GOLGA3: variants seen among roughly 807,000 people sequenced by gnomAD.
The protein encoded by GOLGA3 is golgin subfamily A member 3.
In GOLGA3, 75 loss-of-function variants were observed where a neutral mutation model predicts 169.4. That is an observed-to-expected ratio of 0.44 (90% confidence interval 0.37 to 0.54). GOLGA3 has a LOEUF of 0.54. Among genes scored for constraint, GOLGA3 ranks in the 20% least tolerant of loss-of-function variants. The pLI is 0.00. For missense variants in GOLGA3, 1,899 were observed against 1,930.0 expected (o/e 0.98, Z 0.30); for synonymous variants, 824 against 822.4 (o/e 1.00, Z -0.03).
intron 11 of GOLGA3, among the ~76,000 whole-genome samples, chr12:132,795,214 G>A (rs151226566): frequency 7.9e-5 from 12 of 151,664 alleles, no homozygotes; most frequent in Non-Finnish European, 1.0e-4. Flanking sequence ...AAAAGGGGTC[G>A]GGCGCGGTGG....
rs141619318 is a variant in GOLGA3 at position 132,801,820 on chromosome 12, C to T, written c.1747G>A (p.Ala583Thr). The T allele has an allele frequency of 1.6e-5, 26 of 1,610,348 alleles. No homozygotes were observed. Among genetic ancestry groups the T allele is most frequent in the Admixed American group, 1.5e-4 (9 of 60,022 alleles). ...SVRQWYQQQLALAQEARVRLQ... is the reference protein window; with the variant it reads ...SVRQWYQQQLTLAQEARVRLQ... The stretch of plus-strand genomic sequence containing the variant: ...CTGACGCGGGCCTCCTGTGCCAGGG[C>T]GAGCTGCTGCTGGTACCACTGCCGG... The change falls in exon 8 of 24, where the codon GCC becomes ACC. Residue 583 changes from alanine to threonine, a missense_variant. Ala to Thr is a moderately conservative substitution (Grantham distance 58, BLOSUM62 0). Coordinates refer to ENST00000450791, the MANE Select transcript of GOLGA3 (RefSeq NM_001389683.1).
intron 16 of GOLGA3, among the ~76,000 whole-genome samples, chr12:132,783,605 G>C (rs1437844228): frequency 9.8e-6 from 1 of 101,750 alleles, no homozygotes; most frequent in African/African-American, 3.3e-5. Context: ...TTGAGACGGA[G>C]TCTCACTCTG....
intron 1 of GOLGA3, among the ~76,000 whole-genome samples, chr12:132,827,262 C>T (rs1035628685): frequency 1.3e-5 from 2 of 152,170 alleles, no homozygotes; most frequent in East Asian, 1.9e-4. Context: ...CACTAGTATC[C>T]AAAAGTAAAC....
intron 2 of GOLGA3, among the ~76,000 whole-genome samples, chr12:132,818,625 A>C (rs1374649502): frequency 6.6e-6 from 1 of 152,218 alleles, no homozygotes; most frequent in Non-Finnish European, 1.5e-5. Context: ...ACAAGCGAAA[A>C]CCACAAACAC....
At chr12:132,802,015 G>C (rs763612854) in intron 7 of GOLGA3, 46 bp from the exon 8 acceptor site, 138 of 1,513,004 alleles carry the variant, frequency 9.1e-5, no homozygotes, top group Middle Eastern at 4.0e-4. Flanking sequence ...ACGGCCAACG[G>C]GGGAGTCCGC....
intron 12 of GOLGA3, among the ~76,000 whole-genome samples, chr12:132,790,911 C>T (rs1331447934): frequency 6.6e-6 from 1 of 150,504 alleles, no homozygotes; most frequent in Middle Eastern, 3.4e-3. Context: ...ATTAGCCGGA[C>T]GTGGTGGAGG....
At chr12:132,779,821 ACAC>A (rs1435543553) in intron 18 of GOLGA3, among the ~76,000 whole-genome samples, 2 of 110,322 alleles carry the variant, frequency 1.8e-5, no homozygotes, top group Non-Finnish European at 3.6e-5. Context: ...GTGTGCACAC[ACAC>A]CACAGCCCTT....
intron 18 of GOLGA3, among the ~76,000 whole-genome samples, chr12:132,778,262 G>C (rs2045356628): frequency 6.6e-6 from 1 of 152,122 alleles, no homozygotes; most frequent in Admixed American, 6.5e-5. Context: ...GGGTGACAGA[G>C]TGAGACCCGG....
chr12:132,787,241 T>G (rs1246297971), intron 13 of GOLGA3, among the ~76,000 whole-genome samples: 2 of 152,054 alleles, frequency 1.3e-5, no homozygotes, highest in African/African-American at 2.4e-5. Context: ...TGTGAGCCAC[T>G]GCACCCGGCC....
rs1266599602 is a variant in GOLGA3, at chr12:132,784,202, C to G, written c.3229G>C (p.Glu1077Gln). The change falls in exon 16 of 24, where the codon GAG (glutamate) becomes CAG (glutamine). Residue 1077 changes from glutamate to glutamine, a missense_variant. Transcript: ENST00000450791. Reference protein sequence around the residue: ...EVIALTSQELEESREKVLELE... With the variant: ...EVIALTSQELQESREKVLELE... Reference sequence around the variant, plus strand: ...TCCAGCACCTTCTCCCGGGACTCCTCCAGCTCCTGGCTGGTCAGCGCTATG... The same window carrying G: ...TCCAGCACCTTCTCCCGGGACTCCTGCAGCTCCTGGCTGGTCAGCGCTATG... 6.2e-7 allele frequency: 1 copy of G among 1,610,428 alleles called. No individual in the cohort carries two copies. The highest frequency in any genetic ancestry group is 2.2e-5 in the East Asian group (1 of 44,892).
At chr12:132,809,403 C>G (rs1292318619) in intron 4 of GOLGA3, among the ~76,000 whole-genome samples, 1 of 152,014 alleles carries the variant, frequency 6.6e-6, no homozygotes, top group Non-Finnish European at 1.5e-5. Context: ...TCTAAACTCC[C>G]CCGGGGAAAG....
chr12:132,819,721 G>A (rs1434391976), intron 2 of GOLGA3, among the ~76,000 whole-genome samples: 3 of 151,774 alleles, frequency 2.0e-5, no homozygotes, highest in Non-Finnish European at 4.4e-5. Context: ...GCTGGGAGAG[G>A]GGGAACCTTG....
At position 132,782,283 on chromosome 12, in the gene GOLGA3, C is replaced by T. The variant is rs752887162; in HGVS notation, c.3465+13G>A. On this transcript the variant is annotated intron_variant, in intron 17 of 23. Coordinates refer to ENST00000450791, the MANE Select transcript of GOLGA3 (RefSeq NM_001389683.1). Reference sequence around the variant, plus strand: ...CACACCGTTGCTGGCGTGAGTTTGACGAGTTTGAATACCTGAAGGTTCAAC... The same window carrying T: ...CACACCGTTGCTGGCGTGAGTTTGATGAGTTTGAATACCTGAAGGTTCAAC... 26 of 1,607,536 alleles carry T rather than the reference C, an allele frequency of 1.6e-5. No homozygotes were observed. The highest frequency in any genetic ancestry group is 2.2e-5 in the South Asian group (2 of 90,912).
intron 3 of GOLGA3, among the ~76,000 whole-genome samples, chr12:132,815,308 G>C (rs941104246): frequency 6.6e-6 from 1 of 152,180 alleles, no homozygotes; most frequent in African/African-American, 2.4e-5. Flanking sequence ...CTCAGGGCCA[G>C]GCGCCAGCAG....
rs927733344 is a variant in GOLGA3, at chr12:132,821,936, C to G, written c.133+60G>C. 2.0e-4 allele frequency: 219 copies of G among 1,088,062 alleles called. No homozygotes were observed. The African/African-American group carries it at 2.8e-3, about 14-fold the overall frequency. The allele number at this position is 1,088,062 out of a possible 1,614,324, so 67.4% of individuals were successfully genotyped here. A position where few individuals can be genotyped will look rare whatever the true frequency, so the allele number is the denominator to read the frequency against. The stretch of plus-strand genomic sequence containing the variant: ...AACGCCACATCCTCCCTCAACACCA[C>G]GTCCTCCCTCAACACCAGGTCCTCC... On this transcript the variant is annotated intron_variant, in intron 2 of 23. Coordinates refer to ENST00000450791, the MANE Select transcript of GOLGA3 (RefSeq NM_001389683.1).
intron 18 of GOLGA3, among the ~76,000 whole-genome samples, chr12:132,780,197 A>C (rs1307071284): frequency 6.8e-6 from 1 of 147,938 alleles, no homozygotes; most frequent in Non-Finnish European, 1.5e-5. Context: ...CACACACCAC[A>C]CCCCAGGCAC....
intron 3 of GOLGA3, 134 bp downstream of exon 3, chr12:132,816,406 A>T: frequency 1.2e-6 from 1 of 816,068 alleles, no homozygotes; most frequent in Non-Finnish European, 2.0e-6. Context: ...TCACAGCCCC[A>T]CGTGGGACTC....
At position 132,795,995 on chromosome 12, in the gene GOLGA3, T is replaced by A; in HGVS notation, c.2326A>T (p.Ile776Phe). The change falls in exon 11 of 24, where the codon ATC (isoleucine) becomes TTC (phenylalanine). Residue 776 changes from isoleucine to phenylalanine, a missense_variant. Ile to Phe is a conservative substitution (Grantham distance 21). Coordinates refer to ENST00000450791, the MANE Select transcript of GOLGA3 (RefSeq NM_001389683.1). ...GCCTGCAAAGCCGCCTCCAAGATGA[T>A]CTTCTCGTTCTGCAGGAGGCAGATC... is the stretch of plus-strand genomic sequence containing the variant. ...DTICLLQNEKIILEAALQAAK... is the reference protein window; with the variant it reads ...DTICLLQNEKFILEAALQAAK... 6.2e-7 allele frequency: 1 copy of A among 1,613,540 alleles called. No individual in the cohort carries two copies. Among genetic ancestry groups the A allele is most frequent in the South Asian group, 1.1e-5 (1 of 91,078 alleles).
Position 132,777,397 on chromosome 12 carries a change from G to A in GOLGA3, c.3722+269C>T, listed in dbSNP as rs2045305845. Among the ~76,000 whole-genome samples, 1 of 151,930 alleles carries A rather than the reference G, an allele frequency of 6.6e-6. No individual in the cohort carries two copies. Among genetic ancestry groups the A allele is most frequent in the African/African-American group, 2.4e-5 (1 of 41,378 alleles). On this transcript the variant is annotated intron_variant, in intron 19 of 23. Coordinates refer to ENST00000450791, the MANE Select transcript of GOLGA3 (RefSeq NM_001389683.1). This position sits in a 1 kb window ranked among gnomAD's most constrained non-coding sequence, Gnocchi z 4.7. ...TGGGACCCACAGAGCCACAGCATCA[G>A]CCCCGCGCCGGGCCGCCCCTTCCCG... is the stretch of plus-strand genomic sequence containing the variant.
Sources: gnomAD v4.1 joint callset for allele counts (sites outside exome capture counted in the v4.1 genomes callset) on GRCh38, gnomAD v4.1.1 for gene constraint, Gnocchi (gnomAD v3.1) non-coding constraint, MANE v1.5 for transcripts, NCBI Gene and HGNC (gene_info 2026-07-23, HGNC 2026-07-21) for gene names.